Variants in TRPC4 observed in about 807,000 individuals in gnomAD.
TRPC4 encodes short transient receptor potential channel 4.
In TRPC4, 49 loss-of-function variants were observed where a neutral mutation model predicts 99.4. The ratio of observed to expected loss-of-function variants is 0.49; its 90% CI spans 0.39 to 0.63. TRPC4 has a LOEUF of 0.63. Among genes scored for constraint, TRPC4 ranks in the 20% least tolerant of loss-of-function variants. The pLI is 0.00. For synonymous variants in TRPC4, 454 were observed against 425.9 expected (o/e 1.07, Z -0.81); for missense variants, 898 against 1,152.9 (o/e 0.78, Z 3.20).
intron 3 of TRPC4, among the ~76,000 whole-genome samples, chr13:37,719,558 A>T (rs1392225275): frequency 6.6e-6 from 1 of 152,146 alleles, no homozygotes; most frequent in Non-Finnish European, 1.5e-5. Context: ...TTTTTCTATT[A>T]TTTGAAAAAT....
In TRPC4 at chr13:37,763,421, G is replaced by A. The variant is rs544561427; in HGVS notation, c.379-16966C>T. Among the ~76,000 whole-genome samples the A allele has an allele frequency of 6.9e-4, 104 of 151,510 alleles. 1 individual carries two copies. The South Asian group carries it at 0.012, about 18-fold the overall frequency. On this transcript the variant is annotated intron_variant, in intron 2 of 10. Transcript: ENST00000379705. ...AAAACGAGGCATCACCTGAGGAAGA[G>A]GAGAAAAGAATTGGGGAGCTTGTTG...
chr13:37,790,484 C>T (rs1032729620), intron 1 of TRPC4, among the ~76,000 whole-genome samples: 1 of 152,086 alleles, frequency 6.6e-6, no homozygotes, highest in African/African-American at 2.4e-5. Flanking sequence ...AACCAATAAC[C>T]ACTATTTGCA....
chr13:37,734,219 T>C (rs1037018675), intron 3 of TRPC4, among the ~76,000 whole-genome samples: 1 of 152,192 alleles, frequency 6.6e-6, no homozygotes, highest in African/African-American at 2.4e-5. Context: ...GTTTTATTTT[T>C]AGGAAAGTCT....
At chr13:37,738,260 A>G (rs1236399352) in intron 3 of TRPC4, among the ~76,000 whole-genome samples, 1 of 152,208 alleles carries the variant, frequency 6.6e-6, no homozygotes, top group Non-Finnish European at 1.5e-5. Flanking sequence ...AGGCATGGAG[A>G]AAGATGGGAA....
At chr13:37,844,296 TC>T (rs1958823952) in intron 1 of TRPC4, among the ~76,000 whole-genome samples, 1 of 152,060 alleles carries the variant, frequency 6.6e-6, no homozygotes, top group South Asian at 2.1e-4. Context: ...TTTTTTTTTT[TC>T]TTTCTTTATT....
chr13:37,747,951 A>T (rs1955831421), intron 2 of TRPC4, among the ~76,000 whole-genome samples: 1 of 152,196 alleles, frequency 6.6e-6, no homozygotes, highest in Non-Finnish European at 1.5e-5. Flanking sequence ...ATCTCGTGTC[A>T]GTAAATCTGA....
In TRPC4 at chr13:37,857,264, T is replaced by C. The variant is rs182018964; in HGVS notation, c.-28+12331A>G. On this transcript the variant is annotated intron_variant, in intron 1 of 10. Transcript: ENST00000379705. ...GACTATAAAACACTGATGAAAAAAATTAAAAAGGACACCAAAAATGGACAG... is the reference window on the plus strand; with the variant it reads ...GACTATAAAACACTGATGAAAAAAACTAAAAAGGACACCAAAAATGGACAG... 9.3e-5 allele frequency among the ~76,000 whole-genome samples: 14 copies of C among 150,784 alleles called. No homozygotes were observed. In the East Asian group the frequency reaches 2.5e-3, roughly 27 times the overall value.
chr13:37,678,786 A>G lies in TRPC4; in HGVS notation c.1235-4419T>C, dbSNP rs1953142299. On this transcript the variant is annotated intron_variant, in intron 4 of 10. Transcript: ENST00000379705. ...ATAAACAATCAGACAAAACTCTTTA[A>G]AACTACACACCAATAGCCCTTATAA... Among the ~76,000 whole-genome samples, 2 of 152,158 alleles carry G rather than the reference A, an allele frequency of 1.3e-5. 1 individual carries two copies. The highest frequency in any genetic ancestry group is 1.3e-4 in the Admixed American group (2 of 15,266).
At chr13:37,725,729 A>C (rs1394327706) in intron 3 of TRPC4, among the ~76,000 whole-genome samples, 1 of 152,180 alleles carries the variant, frequency 6.6e-6, no homozygotes, top group African/African-American at 2.4e-5. Context: ...AGCAGTTTGG[A>C]TAAAAAAGAT....
intron 3 of TRPC4, among the ~76,000 whole-genome samples, chr13:37,717,128 G>A (rs1392103112): frequency 6.6e-6 from 1 of 152,024 alleles, no homozygotes; most frequent in Admixed American, 6.6e-5. Flanking sequence ...ATTTTACAGG[G>A]AGTTATAAGG....
At chr13:37,777,502 G>A (rs1371269655) in intron 2 of TRPC4, among the ~76,000 whole-genome samples, 1 of 151,854 alleles carries the variant, frequency 6.6e-6, no homozygotes, top group African/African-American at 2.4e-5. Flanking sequence ...CTTTTCACCA[G>A]CTCCCACCTC....
intron 3 of TRPC4, among the ~76,000 whole-genome samples, chr13:37,727,801 A>G (rs545517168): frequency 6.6e-6 from 1 of 152,230 alleles, no homozygotes; most frequent in East Asian, 1.9e-4. Context: ...TAACTTAAAT[A>G]AAATGAGCAA....
chr13:37,649,751 A>AAAAC (rs1951972266), intron 8 of TRPC4, among the ~76,000 whole-genome samples: 3 of 139,192 alleles, frequency 2.2e-5, no homozygotes, highest in South Asian at 4.7e-4. Context: ...AAAAAAAAAA[A>AAAAC]AAAAAAAAAC....
chr13:37,821,211 C>CAA, intron 1 of TRPC4, among the ~76,000 whole-genome samples: 1 of 151,010 alleles, frequency 6.6e-6, no homozygotes, highest in African/African-American at 2.4e-5. Flanking sequence ...CACACACACA[C>CAA]ACACACACAC....
intron 3 of TRPC4, 81 bp downstream of exon 3, chr13:37,745,856 A>C: frequency 6.6e-7 from 1 of 1,504,384 alleles, no homozygotes; most frequent in Non-Finnish European, 8.9e-7. Context: ...TAAAACCCAA[A>C]ACTAATTTTG....
chr13:37,783,498 T>C (rs892121811), intron 1 of TRPC4, 138 bp from the exon 2 acceptor site: 3 of 554,732 alleles, frequency 5.4e-6, no homozygotes, highest in Non-Finnish European at 5.5e-6. Context: ...AAGGTTTTTT[T>C]TTTTCTTCAA....
At chr13:37,834,857 C>A (rs1376166079) in intron 1 of TRPC4, among the ~76,000 whole-genome samples, 1 of 152,142 alleles carries the variant, frequency 6.6e-6, no homozygotes, top group Non-Finnish European at 1.5e-5. Context: ...GCCTCAGCCT[C>A]CCAAGTAACT....
intron 1 of TRPC4, among the ~76,000 whole-genome samples, chr13:37,867,874 C>A (rs1235707729): frequency 1.3e-5 from 2 of 152,006 alleles, no homozygotes; most frequent in African/African-American, 4.8e-5. Flanking sequence ...AAACAGGTAA[C>A]TTTTCAGTCC....
intron 3 of TRPC4, among the ~76,000 whole-genome samples, chr13:37,740,160 T>A (rs968621135): frequency 1.3e-5 from 2 of 152,122 alleles, no homozygotes; most frequent in African/African-American, 2.4e-5. Context: ...CCTGTGTGAT[T>A]TTTTTTAAAG....
Sources: gnomAD v4.1 joint callset for allele counts (sites outside exome capture counted in the v4.1 genomes callset) on GRCh38, gnomAD v4.1.1 for gene constraint, MANE v1.5 for transcripts, NCBI Gene and HGNC (gene_info 2026-07-23, HGNC 2026-07-21) for gene names.